The following TRPC6 variants were observed in gnomAD, a reference collection of about 807,000 sequenced individuals.
TRPC6 encodes the protein short transient receptor potential channel 6.
A neutral mutation model predicts 90.7 loss-of-function variants in TRPC6; 55 were observed. The observed-to-expected ratio is 0.61, with a 90% CI of 0.49 to 0.76. The LOEUF (loss-of-function observed/expected upper bound fraction) is 0.76. Among genes scored for constraint, TRPC6 ranks in the 30% least tolerant of loss-of-function variants. The pLI is 0.00. For synonymous variants in TRPC6, 393 were observed against 393.0 expected (o/e 1.00, Z 0.00); for missense variants, 989 against 1,122.7 (o/e 0.88, Z 1.70).
chr11:101,521,130 G>A (rs959374402), intron 1 of TRPC6, among the ~76,000 whole-genome samples: 1 of 152,208 alleles, frequency 6.6e-6, no homozygotes, highest in African/African-American at 2.4e-5. Context: ...TGGGGAAAAT[G>A]CTTCAAAGGC....
intron 1 of TRPC6, among the ~76,000 whole-genome samples, chr11:101,513,164 G>A (rs1860436738): frequency 6.6e-6 from 1 of 152,204 alleles, no homozygotes; most frequent in Admixed American, 6.5e-5. Context: ...CAAGGAGAGA[G>A]CCAAGGGAAC....
chr11:101,509,349 C>A, intron 1 of TRPC6, among the ~76,000 whole-genome samples: 1 of 151,992 alleles, frequency 6.6e-6, no homozygotes. Context: ...CCTCCCACCT[C>A]AGCCTCCCAA....
Position 101,473,544 on chromosome 11 carries a change from G to A in TRPC6, c.1974C>T (p.Tyr658=), listed in dbSNP as rs1859342081. ...FMIGMFNLYS[Y]YIGAKQNEAF... ...CTTCATTTTGTTTTGCACCAATGTA[G>A]TAGGAGTAGAGATTGAACATTCCAA... The change falls in exon 7 of 13, where the codon TAC becomes TAT. Residue 658 remains tyrosine (Y), a synonymous_variant. Coordinates refer to ENST00000344327, the MANE Select transcript of TRPC6 (RefSeq NM_004621.6). 1.2e-6 allele frequency: 2 copies of A among 1,613,500 alleles called. No homozygotes were observed. The highest frequency in any genetic ancestry group is 1.7e-6 in the Non-Finnish European group (2 of 1,179,648).
chr11:101,560,049 A>C (rs1336898735), intron 1 of TRPC6, among the ~76,000 whole-genome samples: 3 of 152,176 alleles, frequency 2.0e-5, no homozygotes, highest in African/African-American at 7.2e-5. Flanking sequence ...TAAAACCTGT[A>C]TGACAACAAG....
chr11:101,505,896 CCAGCTACT>C (rs1198607616), intron 1 of TRPC6, among the ~76,000 whole-genome samples: 1 of 151,636 alleles, frequency 6.6e-6, no homozygotes. Flanking sequence ...GCCTGTAGTC[CCAGCTACT>C]CAGGAGGCTG....
At chr11:101,489,123 A>G in intron 3 of TRPC6, 22 bp from the exon 4 acceptor site, 1 of 1,612,866 alleles carries the variant, frequency 6.2e-7, no homozygotes, top group Non-Finnish European at 8.5e-7. Flanking sequence ...GTGACAAAAT[A>G]TTTAAATTTG....
chr11:101,522,074 A>C (rs556256854), intron 1 of TRPC6, among the ~76,000 whole-genome samples: 6 of 152,284 alleles, frequency 3.9e-5, no homozygotes, highest in Admixed American at 2.6e-4. Context: ...TTAAGAAGGG[A>C]TGACTGTGTT....
intron 1 of TRPC6, among the ~76,000 whole-genome samples, chr11:101,583,001 C>T (rs943513443): frequency 3.9e-5 from 6 of 152,186 alleles, no homozygotes; most frequent in Non-Finnish European, 8.8e-5. Context: ...GATCCTGTCT[C>T]TTGTAGAGCG....
At position 101,491,539 on chromosome 11, in the gene TRPC6, T is replaced by G; in HGVS notation, c.1128+17A>C. The G allele has an allele frequency of 1.2e-6, 2 of 1,613,430 alleles. No individual in the cohort carries two copies. Among genetic ancestry groups the G allele is most frequent in the Non-Finnish European group, 1.7e-6 (2 of 1,179,624 alleles). ...AAGAACCAAAATAATGTAAACGGGCTTCACGCCTGACCTTACTTTTTTTAC... is the reference window on the plus strand; with the variant it reads ...AAGAACCAAAATAATGTAAACGGGCGTCACGCCTGACCTTACTTTTTTTAC... On this transcript the variant is annotated intron_variant, in intron 3 of 12. Coordinates refer to ENST00000344327, the MANE Select transcript of TRPC6 (RefSeq NM_004621.6).
intron 4 of TRPC6, among the ~76,000 whole-genome samples, chr11:101,488,611 T>G (rs1310296616): frequency 6.6e-6 from 1 of 152,212 alleles, no homozygotes; most frequent in Non-Finnish European, 1.5e-5. Flanking sequence ...TAAAAGTATA[T>G]GCATAGATGT....
At chr11:101,549,128 G>A (rs754385207) in intron 1 of TRPC6, among the ~76,000 whole-genome samples, 3 of 151,860 alleles carry the variant, frequency 2.0e-5, no homozygotes, top group Non-Finnish European at 4.4e-5. Context: ...CTAATGGGAG[G>A]AGCTGAATAT....
At chr11:101,543,320 A>G (rs1861218573) in intron 1 of TRPC6, among the ~76,000 whole-genome samples, 1 of 152,116 alleles carries the variant, frequency 6.6e-6, no homozygotes, top group African/African-American at 2.4e-5. Context: ...TTCAACTTAC[A>G]TGTACTCTAT....
intron 1 of TRPC6, among the ~76,000 whole-genome samples, chr11:101,545,221 AACCAT>A (rs1474227065): frequency 2.0e-5 from 3 of 152,182 alleles, no homozygotes; most frequent in East Asian, 1.9e-4. Flanking sequence ...AATAAATAAT[AACCAT>A]ACAACAATTA....
chr11:101,504,490 C>T lies in TRPC6; in HGVS notation c.479G>A (p.Arg160Gln). The T allele has an allele frequency of 3.7e-6, 6 of 1,614,092 alleles. No individual in the cohort carries two copies. The highest frequency in any genetic ancestry group is 1.1e-5 in the South Asian group (1 of 91,080). The change falls in exon 2 of 13, where the codon CGA becomes CAA. Residue 160 changes from arginine (R) to glutamine (Q), a missense_variant. Arg to Gln is a conservative substitution (Grantham distance 43). Coordinates refer to ENST00000344327, the MANE Select transcript of TRPC6 (RefSeq NM_004621.6). The part of the protein sequence containing the change: ...ELLLKKENLS[R>Q]VGDALLLAIS... ...AGCTAGAAGCAAAGCATCCCCAACT[C>T]GAGAGAGGTTTTCTTTCTTGAGAAG...
chr11:101,568,463 C>G (rs1378231724), intron 1 of TRPC6, among the ~76,000 whole-genome samples: 1 of 152,144 alleles, frequency 6.6e-6, no homozygotes, highest in African/African-American at 2.4e-5. Context: ...AGGAGAACTT[C>G]CCCAACCTAG....
At chr11:101,467,842 G>A (rs11224772) in intron 10 of TRPC6, among the ~76,000 whole-genome samples, 13,620 of 152,176 alleles carry the variant, frequency 0.09, 831 homozygotes, top group Middle Eastern at 0.16. Flanking sequence ...TGAGGGCTAT[G>A]GCTTGTTGAC....
At chr11:101,488,643 G>C (rs1186445339) in intron 4 of TRPC6, among the ~76,000 whole-genome samples, 3 of 152,090 alleles carry the variant, frequency 2.0e-5, no homozygotes, top group Non-Finnish European at 4.4e-5. Flanking sequence ...AGAGTAAAAG[G>C]AAATTAATAT....
Position 101,482,632 on chromosome 11 carries a change from T to C in TRPC6, c.1510+317A>G, listed in dbSNP as rs565138962. ...GTAAAATTGTGGTTGTGTTTAAGCTTGAAATCATAGCTCGCTCTCAAAATA... is the reference window on the plus strand; with the variant it reads ...GTAAAATTGTGGTTGTGTTTAAGCTCGAAATCATAGCTCGCTCTCAAAATA... On this transcript the variant is annotated intron_variant, in intron 5 of 12. Transcript: ENST00000344327. Among the ~76,000 whole-genome samples the C allele has an allele frequency of 1.1e-4, 17 of 152,318 alleles. No individual in the cohort carries two copies. In the South Asian group the frequency reaches 2.5e-3, roughly 22 times the overall value.
chr11:101,485,965 C>G (rs1214752127), intron 4 of TRPC6, among the ~76,000 whole-genome samples: 1 of 152,060 alleles, frequency 6.6e-6, no homozygotes, highest in Admixed American at 6.6e-5. Flanking sequence ...CACTGGCCTA[C>G]TGACCTTTAT....
Sources: gnomAD v4.1 joint callset for allele counts (sites outside exome capture counted in the v4.1 genomes callset) on GRCh38, gnomAD v4.1.1 for gene constraint, MANE v1.5 for transcripts, NCBI Gene and HGNC (gene_info 2026-07-23, HGNC 2026-07-21) for gene names.